Variants in SND1 observed in about 807,000 individuals in gnomAD.
SND1 encodes staphylococcal nuclease domain-containing protein 1.
A neutral mutation model predicts 121.7 loss-of-function variants in SND1; 38 were observed. The observed-to-expected ratio is 0.31, with a 90% CI of 0.24 to 0.41. The LOEUF is 0.41. Among genes scored for constraint, SND1 ranks in the 10% least tolerant of loss-of-function variants. The pLI, the probability that SND1 is intolerant of heterozygous loss-of-function variation, is 1.00. For missense variants in SND1, 868 were observed against 1,184.6 expected (o/e 0.73, Z 3.92); for synonymous variants, 401 against 447.4 (o/e 0.90, Z 1.31).
At chr7:127,764,038 C>CAAAAAAAAAAAAAAAA (rs60053474) in intron 10 of SND1, among the ~76,000 whole-genome samples, 2 of 76,470 alleles carry the variant, frequency 2.6e-5, no homozygotes, top group Non-Finnish European at 5.7e-5. Context: ...GACCCTGTCG[C>CAAAAAAAAAAAAAAAA]AAAAAAAAAA....
chr7:127,913,014 G>T (rs1800491641), intron 14 of SND1, among the ~76,000 whole-genome samples: 1 of 152,310 alleles, frequency 6.6e-6, no homozygotes, highest in East Asian at 1.9e-4. Flanking sequence ...CACCAGAGCA[G>T]ATAACCTTGA....
intron 16 of SND1, among the ~76,000 whole-genome samples, chr7:128,051,271 A>G (rs1199634392): frequency 6.6e-6 from 1 of 152,220 alleles, no homozygotes; most frequent in Non-Finnish European, 1.5e-5. Flanking sequence ...GACATTTGAG[A>G]TGAACAAGAC....
In SND1 at chr7:128,029,147, G is replaced by T. The variant is rs1348017281; in HGVS notation, c.1779+38091G>T. Reference sequence around the variant, plus strand: ...GTACTGCCACCTGCTTGGGCACACGGGTAGTCTGAATGAGCACCGTGGTAG... The same window carrying T: ...GTACTGCCACCTGCTTGGGCACACGTGTAGTCTGAATGAGCACCGTGGTAG... On this transcript the variant is annotated intron_variant, in intron 16 of 23. Transcript: ENST00000354725. The surrounding 1 kb of genome is among the most constrained non-coding windows in gnomAD (Gnocchi z 4.2). The T allele has an allele frequency of 1.2e-6, 2 of 1,614,110 alleles. No individual in the cohort carries two copies. The highest frequency in any genetic ancestry group is 1.1e-5 in the South Asian group (1 of 91,078).
chr7:127,855,554 T>C (rs1799259824), intron 12 of SND1, among the ~76,000 whole-genome samples: 1 of 152,082 alleles, frequency 6.6e-6, no homozygotes, highest in Non-Finnish European at 1.5e-5. Context: ...TTAGAGATAA[T>C]AGTATATACC....
intron 10 of SND1, among the ~76,000 whole-genome samples, chr7:127,730,416 A>G (rs1474717689): frequency 6.6e-6 from 1 of 152,252 alleles, no homozygotes; most frequent in Non-Finnish European, 1.5e-5. Context: ...CTGTGAAGAC[A>G]TTCTGGAGAC....
intron 16 of SND1, among the ~76,000 whole-genome samples, chr7:128,009,409 C>G (rs1803060199): frequency 6.6e-6 from 1 of 152,108 alleles, no homozygotes; most frequent in Non-Finnish European, 1.5e-5. Flanking sequence ...AAAGGGGTTT[C>G]GGAAACTACT....
At chr7:127,954,162 C>G (rs1003693787) in intron 15 of SND1, among the ~76,000 whole-genome samples, 55 of 152,262 alleles carry the variant, frequency 3.6e-4, no homozygotes, top group Admixed American at 2.7e-3. Context: ...TTCCTTCCTT[C>G]CCCCCTTACT....
At chr7:127,660,839 A>G (rs1354690109) in intron 1 of SND1, among the ~76,000 whole-genome samples, 1 of 152,122 alleles carries the variant, frequency 6.6e-6, no homozygotes, top group Non-Finnish European at 1.5e-5. Context: ...AAAGGAGCCC[A>G]GTGATTTCCT....
At chr7:128,068,923 A>G (rs322840) in intron 16 of SND1, among the ~76,000 whole-genome samples, 108,244 of 152,252 alleles carry the variant, frequency 0.71, 39,845 homozygotes, top group African/African-American at 0.9. Flanking sequence ...GCAGGAGGAC[A>G]CGTCCCACTG....
intron 15 of SND1, among the ~76,000 whole-genome samples, chr7:127,936,845 C>T (rs1801072380): frequency 1.3e-5 from 2 of 152,280 alleles, no homozygotes; most frequent in South Asian, 4.1e-4. Context: ...TGACACATGG[C>T]CTCACATTTT....
chr7:128,091,804 C>G, intron 22 of SND1, 33 bp from the exon 23 acceptor site: 2 of 1,613,108 alleles, frequency 1.2e-6, no homozygotes, highest in South Asian at 1.1e-5. Flanking sequence ...GAGGGCAACT[C>G]TGACCACTCC....
At chr7:127,929,734 A>G (rs917308875) in intron 15 of SND1, among the ~76,000 whole-genome samples, 10 of 152,128 alleles carry the variant, frequency 6.6e-5, no homozygotes, top group Non-Finnish European at 8.8e-5. Flanking sequence ...CTTCCCCTGT[A>G]GCTCCCCAAG....
chr7:127,812,021 T>G (rs1798343818), intron 11 of SND1, among the ~76,000 whole-genome samples: 1 of 152,016 alleles, frequency 6.6e-6, no homozygotes, highest in African/African-American at 2.4e-5. Flanking sequence ...TCACTTTTAA[T>G]TTTTGCCTCC....
At chr7:128,025,407 T>C (rs1803453061) in intron 16 of SND1, among the ~76,000 whole-genome samples, 1 of 152,108 alleles carries the variant, frequency 6.6e-6, no homozygotes, top group African/African-American at 2.4e-5. Context: ...TCTTTGACTG[T>C]AAAATGTGAA....
intron 1 of SND1, among the ~76,000 whole-genome samples, chr7:127,668,478 G>A (rs1406536553): frequency 6.6e-6 from 1 of 152,182 alleles, no homozygotes; most frequent in Admixed American, 6.5e-5. Flanking sequence ...TTCTGTAAGG[G>A]CAAAGACCAT....
intron 15 of SND1, among the ~76,000 whole-genome samples, chr7:127,972,067 G>A (rs1367540547): frequency 7.9e-5 from 12 of 152,018 alleles, no homozygotes; most frequent in African/African-American, 2.2e-4. Flanking sequence ...GAGCCACCAC[G>A]CCTGGCCAGC....
rs538870093 is a variant in SND1, at chr7:128,067,124, C to A, written c.1780-7378C>A. ...GTCTGTCAGCTTTGCTGCCCCCATT[C>A]TCTGACCTCAGAGAATGCAGAGCAG... On this transcript the variant is annotated intron_variant, in intron 16 of 23. Coordinates refer to ENST00000354725, the MANE Select transcript of SND1 (RefSeq NM_014390.4). Among the ~76,000 whole-genome samples, 470 of 152,296 alleles carry A rather than the reference C, an allele frequency of 3.1e-3. 1 individual carries two copies. The highest frequency in any genetic ancestry group is 5.8e-3 in the Non-Finnish European group (397 of 68,022).
At chr7:127,990,871 C>A in intron 15 of SND1, 76 bp from the exon 16 acceptor site, 2 of 962,130 alleles carry the variant, frequency 2.1e-6, no homozygotes, top group South Asian at 1.5e-5. Flanking sequence ...CTGGAGGTGT[C>A]AGGGGACCGT....
chr7:128,018,143 T>C (rs3757760), intron 16 of SND1, among the ~76,000 whole-genome samples: 107,097 of 152,220 alleles, frequency 0.7, 39,319 homozygotes, highest in African/African-American at 0.91. Context: ...CACCGCCTTA[T>C]GGGAAAGTCC....
Sources: gnomAD v4.1 joint callset for allele counts (sites outside exome capture counted in the v4.1 genomes callset) on GRCh38, gnomAD v4.1.1 for gene constraint, Gnocchi (gnomAD v3.1) non-coding constraint, MANE v1.5 for transcripts, NCBI Gene and HGNC (gene_info 2026-07-23, HGNC 2026-07-21) for gene names.